The following PKNOX1 variants were observed in gnomAD, a reference collection of about 807,000 sequenced individuals.
PKNOX1 encodes the protein homeobox protein PKNOX1.
A neutral mutation model predicts 51.9 loss-of-function variants in PKNOX1; 15 were observed. The observed-to-expected ratio is 0.29, with a 90% confidence interval of 0.19 to 0.45. The LOEUF (loss-of-function observed/expected upper bound fraction) is 0.45, where lower values mean the gene tolerates loss of function less well. Among genes scored for constraint, PKNOX1 ranks in the 20% least tolerant of loss-of-function variants. PKNOX1 has a pLI of 1.00. For synonymous variants in PKNOX1, 219 were observed against 211.1 expected, an observed-to-expected ratio of 1.04 and a Z score of -0.32; for missense variants, 462 against 547.5, an observed-to-expected ratio of 0.84 and a Z score of 1.56.
rs999126823 is a variant in PKNOX1, at chr21:42,991,659, C to T, written c.-56-12667C>T. 5.9e-5 allele frequency among the ~76,000 whole-genome samples: 9 copies of T among 151,366 alleles called. No individual in the cohort carries two copies. The East Asian group carries it at 7.8e-4, about 13-fold the overall frequency. ...AGGAGAATGGCGTGAACCCCAGAGGCGGAGGCGGAGCTTGCGGTGAGCCAA... is the reference window on the plus strand; with the variant it reads ...AGGAGAATGGCGTGAACCCCAGAGGTGGAGGCGGAGCTTGCGGTGAGCCAA... On this transcript the variant is annotated intron_variant, in intron 1 of 10. Coordinates refer to ENST00000291547, the MANE Select transcript of PKNOX1 (RefSeq NM_004571.5).
At chr21:42,993,630 C>T (rs1477920231) in intron 1 of PKNOX1, among the ~76,000 whole-genome samples, 1 of 141,202 alleles carries the variant, frequency 7.1e-6, no homozygotes, top group East Asian at 2.0e-4. Flanking sequence ...TGGGTCTGTT[C>T]CTGTATGGTT....
At chr21:43,010,522 G>C (rs556676857) in intron 4 of PKNOX1, among the ~76,000 whole-genome samples, 1 of 152,076 alleles carries the variant, frequency 6.6e-6, no homozygotes, top group African/African-American at 2.4e-5. Context: ...TCCCTCCTCA[G>C]TCTCTCAAGG....
At chr21:42,992,870 G>A (rs13053112) in intron 1 of PKNOX1, among the ~76,000 whole-genome samples, 2 of 148,042 alleles carry the variant, frequency 1.4e-5, no homozygotes, top group East Asian at 4.0e-4. Flanking sequence ...AATAGCATTG[G>A]GGGCTTCTTT....
chr21:42,988,882 A>G (rs542230122), intron 1 of PKNOX1, among the ~76,000 whole-genome samples: 1 of 151,358 alleles, frequency 6.6e-6, no homozygotes, highest in Non-Finnish European at 1.5e-5. Flanking sequence ...TTGGCTTCTC[A>G]GGCTGGGGAC....
rs1311675201 is a variant in PKNOX1 at position 42,974,569 on chromosome 21, G to A, written c.-152G>A. On this transcript the variant is annotated 5_prime_UTR_variant, in exon 1 of 11. It adds an upstream start codon to the 5' untranslated region. Coordinates refer to ENST00000291547, the MANE Select transcript of PKNOX1 (RefSeq NM_004571.5). The stretch of plus-strand genomic sequence containing the variant: ...CTCCCATTGAGCGAGGCTGTGTCGC[G>A]TGGCCCAGCGTCGGCGTGACGGTTG... The A allele has an allele frequency of 6.6e-6, 1 of 152,114 alleles. No homozygotes were observed. The highest frequency in any genetic ancestry group is 1.5e-5 in the Non-Finnish European group (1 of 67,908). 9.4% of individuals were successfully genotyped at this position (152,114 alleles called of 1,614,324 possible). A position where few individuals can be genotyped will look rare whatever the true frequency, so the allele number is the denominator to read the frequency against.
intron 2 of PKNOX1, 78 bp from the exon 3 acceptor site, chr21:43,007,413 A>G (rs1979035557): frequency 6.4e-6 from 9 of 1,396,640 alleles, no homozygotes; most frequent in East Asian, 2.3e-5. Context: ...CCCCACTCCA[A>G]CTGCATTCCT....
chr21:43,019,997 AAC>A (rs1979686343), intron 7 of PKNOX1, among the ~76,000 whole-genome samples: 1 of 149,656 alleles, frequency 6.7e-6, no homozygotes, highest in African/African-American at 2.5e-5. Flanking sequence ...TAGTGGCACA[AAC>A]ACAGCTCACT....
At chr21:42,978,644 C>T (rs1218295682) in intron 1 of PKNOX1, among the ~76,000 whole-genome samples, 7 of 151,730 alleles carry the variant, frequency 4.6e-5, no homozygotes, top group African/African-American at 1.7e-4. Flanking sequence ...CCACCACGCC[C>T]GGCTAATTTT....
intron 1 of PKNOX1, among the ~76,000 whole-genome samples, chr21:42,993,374 G>A (rs2059099076): frequency 6.6e-6 from 1 of 152,188 alleles, no homozygotes; most frequent in African/African-American, 2.4e-5. Context: ...GCCTTGAGTG[G>A]CTGGGCCGGG....
intron 1 of PKNOX1, among the ~76,000 whole-genome samples, chr21:42,986,637 C>G (rs1333513047): frequency 6.6e-6 from 1 of 152,182 alleles, no homozygotes; most frequent in Non-Finnish European, 1.5e-5. Flanking sequence ...GGTTTCTGAA[C>G]CACAGGTGCC....
chr21:43,018,756 G>A (rs1400928116), intron 7 of PKNOX1, among the ~76,000 whole-genome samples: 1 of 151,958 alleles, frequency 6.6e-6, no homozygotes, highest in African/African-American at 2.4e-5. Flanking sequence ...CGGCTGCTGA[G>A]CCTTGCCCGT....
Position 43,002,408 on chromosome 21 carries a change from CCT to C in PKNOX1, c.-56-1916_-56-1915del, listed in dbSNP as rs1491588220. 7.5e-3 allele frequency among the ~76,000 whole-genome samples: 396 copies of C among 52,942 alleles called. 2 individuals carry two copies. Among genetic ancestry groups the C allele is most frequent in the African/African-American group, 0.02 (362 of 18,310 alleles). The allele number at this position is 52,942 out of a possible 152,430, so 34.7% of individuals were successfully genotyped here. A position where few individuals can be genotyped will look rare whatever the true frequency, so the allele number is the denominator to read the frequency against. ...TCTCTTGTACTCATTGACTGTGCCC[CCT>C]CCCTTGTATCCACAACTTTGCCCCC... On this transcript the variant is annotated intron_variant, in intron 1 of 10. Coordinates refer to ENST00000291547, the MANE Select transcript of PKNOX1 (RefSeq NM_004571.5).
At chr21:42,984,311 T>C (rs533304904) in intron 1 of PKNOX1, among the ~76,000 whole-genome samples, 49 of 152,368 alleles carry the variant, frequency 3.2e-4, no homozygotes, top group African/African-American at 1.1e-3. Flanking sequence ...TTAGTGATTT[T>C]TAAAACATTT....
chr21:42,995,794 G>C (rs1042472986), intron 1 of PKNOX1, among the ~76,000 whole-genome samples: 1 of 152,134 alleles, frequency 6.6e-6, no homozygotes, highest in South Asian at 2.1e-4. Flanking sequence ...TGTCTGAAAC[G>C]GCTTACTGTG....
intron 1 of PKNOX1, among the ~76,000 whole-genome samples, chr21:42,993,146 G>C: frequency 6.6e-6 from 1 of 152,092 alleles, no homozygotes; most frequent in East Asian, 1.9e-4. Flanking sequence ...CAGAGGAAGG[G>C]ACAAAGACCT....
chr21:42,994,918 C>CTTTTTTTTTTTT (rs11361350), intron 1 of PKNOX1, among the ~76,000 whole-genome samples: 2 of 113,602 alleles, frequency 1.8e-5, no homozygotes, highest in South Asian at 2.9e-4. Flanking sequence ...TTTCTTTCTT[C>CTTTTTTTTTTTT]TTTTTTTTTT....
At chr21:43,022,573 C>T (rs950925858) in intron 8 of PKNOX1, among the ~76,000 whole-genome samples, 2 of 152,146 alleles carry the variant, frequency 1.3e-5, no homozygotes, top group African/African-American at 4.8e-5. Context: ...TCTTGGTCTC[C>T]ACCGAGCCGC....
rs370604286 is a variant in PKNOX1 at position 43,022,962 on chromosome 21, G to T, written c.849+1531G>T. ...ACAACACCAAGTGGTGGGATTGGGT[G>T]AGTACTCTCCTTTCAGGTTTCCTTT... On this transcript the variant is annotated intron_variant, in intron 8 of 10. Transcript: ENST00000291547. 7.9e-5 allele frequency among the ~76,000 whole-genome samples: 12 copies of T among 152,286 alleles called. No individual in the cohort carries two copies. In the South Asian group the frequency reaches 1.2e-3, roughly 16 times the overall value.
chr21:42,995,570 CAA>C (rs991053019), intron 1 of PKNOX1, among the ~76,000 whole-genome samples: 1 of 131,918 alleles, frequency 7.6e-6, no homozygotes, highest in African/African-American at 2.6e-5. Flanking sequence ...TCTAGCTACT[CAA>C]GAGACTGAAG....
Sources: gnomAD v4.1 joint callset for allele counts (sites outside exome capture counted in the v4.1 genomes callset) on GRCh38, gnomAD v4.1.1 for gene constraint, MANE v1.5 for transcripts, NCBI Gene and HGNC (gene_info 2026-07-23, HGNC 2026-07-21) for gene names.